RGL1: variants seen among roughly 807,000 people sequenced by gnomAD.
RGL1 encodes ral guanine nucleotide dissociation stimulator like 1.
A neutral mutation model predicts 95.2 loss-of-function variants in RGL1; 24 were observed. The ratio of observed to expected loss-of-function variants is 0.25; its 90% CI spans 0.18 to 0.35. The LOEUF (loss-of-function observed/expected upper bound fraction) is 0.35. Among genes scored for constraint, RGL1 ranks in the 10% least tolerant of loss-of-function variants. RGL1 has a pLI of 1.00. For missense variants in RGL1, 715 were observed against 936.3 expected (o/e 0.76, Z 3.08); for synonymous variants, 329 against 344.9 (o/e 0.95, Z 0.51).
At chr1:183,748,394 CTTTTTTTTT>C (rs56920504) in intron 2 of RGL1, among the ~76,000 whole-genome samples, 2 of 69,718 alleles carry the variant, frequency 2.9e-5, no homozygotes, top group East Asian at 4.6e-4. Flanking sequence ...TTCTCTAGTT[CTTTTTTTTT>C]TTTTTTTTTT....
chr1:183,728,894 C>G (rs930494377), intron 1 of RGL1, among the ~76,000 whole-genome samples: 3 of 152,096 alleles, frequency 2.0e-5, no homozygotes, highest in African/African-American at 7.2e-5. Context: ...GAAAGGAATA[C>G]CTTTTCAACA....
At chr1:183,751,929 A>G (rs1487878934) in intron 2 of RGL1, among the ~76,000 whole-genome samples, 2 of 152,102 alleles carry the variant, frequency 1.3e-5, no homozygotes, top group Non-Finnish European at 2.9e-5. Context: ...TCAGTTGGAA[A>G]TGCAGAACTC....
Position 183,806,447 on chromosome 1 carries a change from A to C in RGL1, c.100A>C (p.Ile34Leu), listed in dbSNP as rs746071271. The C allele has an allele frequency of 2.0e-5, 32 of 1,614,038 alleles. No homozygotes were observed. Among genetic ancestry groups the C allele is most frequent in the Non-Finnish European group, 2.7e-5 (32 of 1,179,976 alleles). The part of the protein sequence containing the change: ...VYHVTLKRVQ[I>L]QQAANKGARW... ...CCATGTCACCCTCAAAAGAGTCCAG[A>C]TTCAACAGGCTGCCAATAAAGGAGC... The change falls in exon 2 of 18, where the codon ATT becomes CTT. Residue 34 changes from isoleucine (I) to leucine (L), a missense_variant. Physicochemically the swap from Ile to Leu is conservative, Grantham distance 5. This residue lies in a region of RGL1 where 381 missense variants were observed against 484.8 expected (regional missense o/e 0.79). Transcript: ENST00000360851.
chr1:183,784,906 G>A (rs1164075237), intron 2 of RGL1, among the ~76,000 whole-genome samples: 2 of 152,122 alleles, frequency 1.3e-5, no homozygotes, highest in African/African-American at 2.4e-5. Context: ...TTCTCTGCAG[G>A]CCCCCTTCTA....
chr1:183,712,919 T>A (rs1412068265), intron 1 of RGL1, among the ~76,000 whole-genome samples: 1 of 152,174 alleles, frequency 6.6e-6, no homozygotes, highest in East Asian at 1.9e-4. Flanking sequence ...AAATCAACTG[T>A]GAGGAGGTGA....
chr1:183,857,329 T>G (rs766874326), intron 3 of RGL1, among the ~76,000 whole-genome samples: 1 of 152,208 alleles, frequency 6.6e-6, no homozygotes, highest in Non-Finnish European at 1.5e-5. Flanking sequence ...TGACAACACC[T>G]TGATTTTAAC....
chr1:183,654,886 G>T (rs1651035518), intron 1 of RGL1, among the ~76,000 whole-genome samples: 1 of 152,170 alleles, frequency 6.6e-6, no homozygotes, highest in South Asian at 2.1e-4. Flanking sequence ...TGTTAAGTTG[G>T]CAACATTCCA....
chr1:183,752,089 G>C (rs1302672239), intron 2 of RGL1, among the ~76,000 whole-genome samples: 1 of 152,134 alleles, frequency 6.6e-6, no homozygotes, highest in Non-Finnish European at 1.5e-5. Context: ...TGAATTTTGA[G>C]TTGATATGTG....
chr1:183,915,191 G>C (rs1175697528), intron 15 of RGL1, among the ~76,000 whole-genome samples: 1 of 152,156 alleles, frequency 6.6e-6, no homozygotes, highest in Admixed American at 6.6e-5. Context: ...TCAGAAGCCT[G>C]ATAACCAGAA....
intron 1 of RGL1, among the ~76,000 whole-genome samples, chr1:183,702,205 A>G (rs368486640): frequency 6.6e-6 from 1 of 152,180 alleles, no homozygotes; most frequent in African/African-American, 2.4e-5. Context: ...TGAGAAACAA[A>G]CAAGAAGTTT....
In RGL1 at chr1:183,668,940, C is replaced by CT. The variant is rs57387852; in HGVS notation, c.-33+32454dup. Among the ~76,000 whole-genome samples, 40 of 137,964 alleles carry CT rather than the reference C, an allele frequency of 2.9e-4. 1 individual carries two copies. The highest frequency in any genetic ancestry group is 3.8e-3 in the Middle Eastern group (1 of 266). The allele number at this position is 137,964 out of a possible 152,430, so 90.5% of individuals were successfully genotyped here. A position where few individuals can be genotyped will look rare whatever the true frequency, so the allele number is the denominator to read the frequency against. ...TGCTTTTGGTATTGGACTTTCTTTT[C>CT]TTTTTTTTTTTTTTTGAGATGGAGT... On this transcript the variant is annotated intron_variant, in intron 1 of 18. Coordinates refer to the RGL1 transcript ENST00000304685.
At position 183,744,657 on chromosome 1, in the gene RGL1, TA is replaced by T. The variant is rs1248391935; in HGVS notation, c.132+2369del. On this transcript the variant is annotated intron_variant, in intron 2 of 18. Transcript: ENST00000304685. ...GTATTGATTTACATCTTGTAAATTT[TA>T]TATAAGCCTTGTACTGTACATCTAC... Among the ~76,000 whole-genome samples, 4 of 152,330 alleles carry T rather than the reference TA, an allele frequency of 2.6e-5. No homozygotes were observed. The East Asian group carries it at 7.7e-4, about 29-fold the overall frequency.
At chr1:183,644,079 T>C (rs571680580) in intron 1 of RGL1, among the ~76,000 whole-genome samples, 2 of 152,246 alleles carry the variant, frequency 1.3e-5, no homozygotes, top group African/African-American at 2.4e-5. Context: ...ATTGGTACTG[T>C]GGTTTGAGCA....
At chr1:183,827,132 A>G (rs1662921757) in intron 2 of RGL1, among the ~76,000 whole-genome samples, 1 of 152,192 alleles carries the variant, frequency 6.6e-6, no homozygotes, top group Non-Finnish European at 1.5e-5. Flanking sequence ...CATGTTGGCC[A>G]GGCTGGTCTT....
At position 183,808,429 on chromosome 1, in the gene RGL1, A is replaced by G. The variant is rs558884973; in HGVS notation, c.138+1944A>G. 1.0e-3 allele frequency among the ~76,000 whole-genome samples: 159 copies of G among 151,956 alleles called. 2 individuals carry two copies. The highest frequency in any genetic ancestry group is 3.6e-3 in the African/African-American group (150 of 41,418). On this transcript the variant is annotated intron_variant, in intron 2 of 17. Coordinates refer to ENST00000360851, the MANE Select transcript of RGL1 (RefSeq NM_001297671.3). Reference sequence around the variant, plus strand: ...AAGTGTGATTTACTGCTACCAGCCTACTCCTTTATTGCAAGTTCCTAGGGG... The same window carrying G: ...AAGTGTGATTTACTGCTACCAGCCTGCTCCTTTATTGCAAGTTCCTAGGGG...
intron 17 of RGL1, 26 bp from the exon 18 acceptor site, chr1:183,926,079 A>G: frequency 6.2e-7 from 1 of 1,603,168 alleles, no homozygotes; most frequent in South Asian, 1.1e-5. Context: ...CAAGCTGACC[A>G]TCTTATCTTT....
At chr1:183,900,099 C>T (rs759597227) in intron 10 of RGL1, 51 bp from the exon 11 acceptor site, 3 of 1,479,532 alleles carry the variant, frequency 2.0e-6, no homozygotes, top group African/African-American at 2.8e-5. Context: ...TCCTAAAACC[C>T]CTCAACTTTT....
intron 1 of RGL1, among the ~76,000 whole-genome samples, chr1:183,691,458 CTTTG>C (rs913825425): frequency 3.3e-5 from 5 of 152,268 alleles, no homozygotes; most frequent in Admixed American, 3.3e-4. Flanking sequence ...TAAGCTGTTC[CTTTG>C]TTTCCTGGCT....
chr1:183,753,987 C>G (rs1386944302), intron 2 of RGL1, among the ~76,000 whole-genome samples: 1 of 148,188 alleles, frequency 6.7e-6, no homozygotes, highest in Non-Finnish European at 1.5e-5. Context: ...AGGAAATTTT[C>G]TCCAGAGAGA....
Sources: gnomAD v4.1 joint callset for allele counts (sites outside exome capture counted in the v4.1 genomes callset) on GRCh38, gnomAD v4.1.1 for gene constraint, gnomAD v4.1.1 regional missense constraint, MANE v1.5 for transcripts, NCBI Gene and HGNC (gene_info 2026-07-23, HGNC 2026-07-21) for gene names.